NAPEPLD: variants seen among roughly 807,000 people sequenced by gnomAD.
NAPEPLD encodes N-acyl-phosphatidylethanolamine-hydrolyzing phospholipase D.
A neutral mutation model predicts 38.1 loss-of-function variants in NAPEPLD; 23 were observed. The ratio of observed to expected loss-of-function variants is 0.60; its 90% CI spans 0.43 to 0.86. The LOEUF (loss-of-function observed/expected upper bound fraction) is 0.86. Among genes scored for constraint, NAPEPLD ranks in the 40% least tolerant of loss-of-function variants. The pLI is 0.00. For synonymous variants in NAPEPLD, 147 were observed against 162.0 expected (o/e 0.91, Z 0.71); for missense variants, 411 against 476.8 (o/e 0.86, Z 1.28).
At chr7:103,116,378 A>T (rs1355181274) in intron 3 of NAPEPLD, among the ~76,000 whole-genome samples, 1 of 152,126 alleles carries the variant, frequency 6.6e-6, no homozygotes, top group African/African-American at 2.4e-5. Context: ...TTTTCACTTT[A>T]TCAATTGAGA....
At chr7:103,141,995 C>T (rs1293711922) in intron 1 of NAPEPLD, 6 of 674,734 alleles carry the variant, frequency 8.9e-6, no homozygotes, top group Admixed American at 2.4e-5. Context: ...TTTTAAACTA[C>T]ACCAGAGGCT....
Position 103,100,109 on chromosome 7 carries a change from G to GA in NAPEPLD, c.*3319dup, listed in dbSNP as rs796599781. 5.3e-5 allele frequency: 8 copies of GA among 152,270 alleles called. No homozygotes were observed. The highest frequency in any genetic ancestry group is 1.9e-4 in the African/African-American group (8 of 41,570). The allele number at this position is 152,270 out of a possible 1,614,324, so 9.4% of individuals were successfully genotyped here. On this transcript the variant is annotated 3_prime_UTR_variant, in exon 5 of 5. Coordinates refer to ENST00000465647, the MANE Select transcript of NAPEPLD (RefSeq NM_001122838.3). ...GTGTTCTCAATGTTACCCTGATACA[G>GA]AAATCAAACTTGGAAGAAATATTTT...
At chr7:103,118,237 G>A (rs1805948604) in intron 3 of NAPEPLD, among the ~76,000 whole-genome samples, 2 of 152,136 alleles carry the variant, frequency 1.3e-5, no homozygotes, top group African/African-American at 4.8e-5. Context: ...CCAATTTTAT[G>A]TTACAAATAC....
intron 2 of NAPEPLD, chr7:103,127,399 G>GC (rs1341195798): frequency 2.0e-5 from 3 of 152,154 alleles, no homozygotes; most frequent in Admixed American, 6.5e-5. Flanking sequence ...TTTCAGACAA[G>GC]CAAGAATTCA....
In NAPEPLD at chr7:103,148,984, C is replaced by T; in HGVS notation, c.-190G>A. ...GAGGTGCGAAAATTCAAATGAAGCC[C>T]TGTCGCTCACAAGTGCGGCATCTCC... On this transcript the variant is annotated 5_prime_UTR_variant, in exon 1 of 5. Transcript: ENST00000465647. 2 of 985,412 alleles carry T rather than the reference C, an allele frequency of 2.0e-6. No individual in the cohort carries two copies. The highest frequency in any genetic ancestry group is 1.1e-4 in the East Asian group (1 of 8,808). The allele number at this position is 985,412 out of a possible 1,614,324, so 61.0% of individuals were successfully genotyped here. A position where few individuals can be genotyped will look rare whatever the true frequency, so the allele number is the denominator to read the frequency against.
intron 3 of NAPEPLD, among the ~76,000 whole-genome samples, chr7:103,115,568 T>G (rs184595460): frequency 6.2e-4 from 94 of 152,308 alleles, no homozygotes; most frequent in Non-Finnish European, 4.9e-4. Context: ...TTACTGGATC[T>G]ATCTGAAGAT....
chr7:103,124,132 C>A (rs1807264815), intron 2 of NAPEPLD, among the ~76,000 whole-genome samples: 1 of 151,944 alleles, frequency 6.6e-6, no homozygotes, highest in Admixed American at 6.6e-5. Flanking sequence ...GAGATCCTGT[C>A]TCTATTTAAA....
At chr7:103,114,580 T>G (rs1165327706) in intron 4 of NAPEPLD, among the ~76,000 whole-genome samples, 1 of 152,122 alleles carries the variant, frequency 6.6e-6, no homozygotes, top group Non-Finnish European at 1.5e-5. Context: ...CAGAGCCAAG[T>G]TCAAATGTCA....
intron 2 of NAPEPLD, among the ~76,000 whole-genome samples, chr7:103,123,420 A>G (rs527576327): frequency 9.8e-5 from 15 of 152,350 alleles, no homozygotes; most frequent in African/African-American, 3.6e-4. Flanking sequence ...GACATATGCC[A>G]AGAGGTATAC....
intron 4 of NAPEPLD, among the ~76,000 whole-genome samples, chr7:103,106,188 CG>C (rs900123263): frequency 6.6e-6 from 1 of 151,978 alleles, no homozygotes; most frequent in African/African-American, 2.4e-5. Context: ...AGAGACTGTA[CG>C]GGGAGGAACA....
At chr7:103,145,347 G>A (rs1291882473) in intron 1 of NAPEPLD, among the ~76,000 whole-genome samples, 1 of 152,132 alleles carries the variant, frequency 6.6e-6, no homozygotes, top group African/African-American at 2.4e-5. Flanking sequence ...CGTTCACCCA[G>A]CTAAAAAAGA....
At chr7:103,139,364 G>A (rs1810735916) in intron 1 of NAPEPLD, among the ~76,000 whole-genome samples, 1 of 152,156 alleles carries the variant, frequency 6.6e-6, no homozygotes, top group East Asian at 1.9e-4. Context: ...TATAGATTTT[G>A]GCTCAGTATC....
intron 1 of NAPEPLD, among the ~76,000 whole-genome samples, chr7:103,134,974 G>C (rs530125955): frequency 6.6e-6 from 1 of 152,178 alleles, no homozygotes; most frequent in East Asian, 1.9e-4. Context: ...TTTAAGATTT[G>C]CCAACTGCCT....
intron 1 of NAPEPLD, among the ~76,000 whole-genome samples, chr7:103,144,316 A>C (rs551248908): frequency 6.6e-6 from 1 of 152,320 alleles, no homozygotes; most frequent in Non-Finnish European, 1.5e-5. Context: ...CTTTCAACAA[A>C]ATTTTCTCCC....
Position 103,119,730 on chromosome 7 carries a change from T to A in NAPEPLD, c.788A>T (p.Asn263Ile). 1 of 1,614,186 alleles carries A rather than the reference T, an allele frequency of 6.2e-7. No individual in the cohort carries two copies. The highest frequency in any genetic ancestry group is 8.5e-7 in the Non-Finnish European group (1 of 1,180,024). Residue 263 changes from asparagine to isoleucine, a missense_variant, in exon 3 of 5, where the codon AAC (asparagine) becomes ATC (isoleucine). By Grantham distance (149) the Asn-to-Ile change is moderately radical (BLOSUM62 -3). Transcript: ENST00000465647. ...AGACCAGCTGCCCCATAGCACCTTG[T>A]TGTCATCCATTAGAGTCCTTTTACA... ...HWCKRTLMDD[N>I]KVLWGSWSVL...
chr7:103,104,714 G>C (rs1179288670), intron 4 of NAPEPLD, among the ~76,000 whole-genome samples: 1 of 152,022 alleles, frequency 6.6e-6, no homozygotes, highest in African/African-American at 2.4e-5. Context: ...TTTACTTTTA[G>C]TCTATTTTAT....
intron 2 of NAPEPLD, among the ~76,000 whole-genome samples, chr7:103,125,400 T>C (rs1807545992): frequency 6.6e-6 from 1 of 152,228 alleles, no homozygotes; most frequent in African/African-American, 2.4e-5. Flanking sequence ...CAGAAAAATA[T>C]AAATAGTTGC....
intron 1 of NAPEPLD, among the ~76,000 whole-genome samples, chr7:103,133,030 G>C (rs532232210): frequency 3.6e-4 from 54 of 152,100 alleles, no homozygotes; most frequent in African/African-American, 1.3e-3. Context: ...TTTCAGAAAT[G>C]CTCTTTAAAA....
At chr7:103,137,827 A>G (rs1225144446) in intron 1 of NAPEPLD, among the ~76,000 whole-genome samples, 6 of 150,834 alleles carry the variant, frequency 4.0e-5, no homozygotes, top group Non-Finnish European at 8.9e-5. Flanking sequence ...AAAAAAAAAA[A>G]AAAAAAAAAG....
Sources: allele counts gnomAD v4.1 joint callset (sites outside exome capture counted in the v4.1 genomes callset), GRCh38; gene constraint gnomAD v4.1.1; transcripts MANE v1.5; gene names NCBI Gene and HGNC (gene_info 2026-07-23, HGNC 2026-07-21).